ACP3: variants seen among roughly 807,000 people sequenced by gnomAD.
ACP3 encodes the protein prostatic acid phosphatase.
A neutral mutation model predicts 45.6 loss-of-function variants in ACP3; 38 were observed. That is an observed-to-expected ratio of 0.83 (90% confidence interval 0.64 to 1.09). The LOEUF is 1.09. ACP3 is among the 50% of genes least tolerant of loss of function. ACP3 has a pLI of 0.00. For missense variants in ACP3, 466 were observed against 463.2 expected (o/e 1.01, Z -0.05); for synonymous variants, 162 against 164.7 (o/e 0.98, Z 0.13).
At chr3:132,343,005 A>T (rs563513306) in intron 6 of ACP3, among the ~76,000 whole-genome samples, 4 of 152,332 alleles carry the variant, frequency 2.6e-5, no homozygotes, top group Admixed American at 2.6e-4. Flanking sequence ...ATGTTGTTAT[A>T]AAGAAAGAGG....
In ACP3 at chr3:132,358,574, C is replaced by A; in HGVS notation, c.*1696C>A. The A allele has an allele frequency of 1.8e-6, 2 of 1,133,988 alleles. No individual in the cohort carries two copies. The highest frequency in any genetic ancestry group is 3.3e-5 in the Admixed American group (1 of 30,642). The allele number at this position is 1,133,988 out of a possible 1,614,324, so 70.2% of individuals were successfully genotyped here. On this transcript the variant is annotated 3_prime_UTR_variant, in exon 10 of 10. Coordinates refer to ENST00000336375, the MANE Select transcript of ACP3 (RefSeq NM_001099.5). ...TTCTACTGGCTGCCAGAATCTAGAG[C>A]AAAGCCATCCCCGCTCCTGGTTGGT...
intron 1 of ACP3, among the ~76,000 whole-genome samples, chr3:132,322,750 C>T (rs1021426211): frequency 1.6e-4 from 25 of 152,208 alleles, no homozygotes; most frequent in Admixed American, 3.3e-4. Context: ...TTTGTCCCCT[C>T]CAAAACTCAT....
chr3:132,367,922 C>A, exon 11 of ACP3: 2 of 881,020 alleles, frequency 2.3e-6, no homozygotes, highest in Non-Finnish European at 3.7e-6. Flanking sequence ...CATTGCCATC[C>A]TCACACCCTG....
intron 6 of ACP3, among the ~76,000 whole-genome samples, chr3:132,344,027 T>C (rs1054113408): frequency 4.6e-5 from 7 of 152,122 alleles, no homozygotes; most frequent in Non-Finnish European, 8.8e-5. Flanking sequence ...ATGCCTATAA[T>C]CCCAGCACTT....
intron 1 of ACP3, among the ~76,000 whole-genome samples, chr3:132,320,658 T>TG (rs1937190866): frequency 6.6e-6 from 1 of 151,524 alleles, no homozygotes; most frequent in South Asian, 2.1e-4. Flanking sequence ...TTGGGTTTTT[T>TG]TTTTTTTTTT....
chr3:132,330,667 T>G, intron 2 of ACP3, among the ~76,000 whole-genome samples: 1 of 152,194 alleles, frequency 6.6e-6, no homozygotes, highest in Non-Finnish European at 1.5e-5. Flanking sequence ...GTGATTATAG[T>G]GGTGGTCAAG....
At chr3:132,340,353 T>A (rs911154567) in intron 5 of ACP3, among the ~76,000 whole-genome samples, 1 of 151,166 alleles carries the variant, frequency 6.6e-6, no homozygotes, top group Admixed American at 6.6e-5. Flanking sequence ...TATTTCACAA[T>A]ATCATAGATA....
At chr3:132,346,836 C>T (rs3792330) in intron 7 of ACP3, among the ~76,000 whole-genome samples, 6 of 152,196 alleles carry the variant, frequency 3.9e-5, no homozygotes, top group Admixed American at 2.6e-4. Flanking sequence ...TTTTCAGCAT[C>T]GGCATCAACT....
At chr3:132,367,847 A>C in exon 11 of ACP3, 1 of 1,518,486 alleles carries the variant, frequency 6.6e-7, no homozygotes, top group Non-Finnish European at 9.1e-7. Context: ...AAGCCAGGCC[A>C]ACCTCCTGTG....
chr3:132,347,631 C>T (rs972634717), intron 7 of ACP3, among the ~76,000 whole-genome samples: 1 of 151,848 alleles, frequency 6.6e-6, no homozygotes, highest in East Asian at 1.9e-4. Flanking sequence ...AGTCATGCAC[C>T]ACCATGCCCA....
chr3:132,347,361 C>T (rs1459576310), intron 7 of ACP3, among the ~76,000 whole-genome samples: 1 of 152,234 alleles, frequency 6.6e-6, no homozygotes, highest in Non-Finnish European at 1.5e-5. Context: ...CATTCCTGCA[C>T]AGAAAACACA....
intron 6 of ACP3, among the ~76,000 whole-genome samples, chr3:132,343,383 A>G (rs1161135502): frequency 6.6e-6 from 1 of 152,240 alleles, no homozygotes; most frequent in Non-Finnish European, 1.5e-5. Context: ...GTTTGCCTCC[A>G]TCCATCCTAA....
chr3:132,347,915 A>C (rs1306748016), intron 7 of ACP3, among the ~76,000 whole-genome samples: 2 of 151,870 alleles, frequency 1.3e-5, no homozygotes, highest in Non-Finnish European at 2.9e-5. Context: ...ATGGCTGGTC[A>C]TATCAGTGAA....
intron 2 of ACP3, among the ~76,000 whole-genome samples, chr3:132,331,338 A>G (rs1937394660): frequency 6.6e-6 from 1 of 152,224 alleles, no homozygotes; most frequent in Non-Finnish European, 1.5e-5. Context: ...GGATCCCACT[A>G]CATCAGAGAT....
rs139020820 is a variant in ACP3, at chr3:132,337,659, C to T, written c.555+105C>T. The stretch of plus-strand genomic sequence containing the variant: ...GCTTTGGCTTCTTAAAAAGATGGGA[C>T]GAATGCATCTGTCAGTGGCTGGTTA... On this transcript the variant is annotated intron_variant, in intron 5 of 9. Coordinates refer to ENST00000336375, the MANE Select transcript of ACP3 (RefSeq NM_001099.5). The T allele has an allele frequency of 9.3e-4, 623 of 671,166 alleles. 2 individuals carry two copies. In the African/African-American group the frequency reaches 9.7e-3, roughly 10 times the overall value. 41.6% of individuals were successfully genotyped at this position (671,166 alleles called of 1,614,324 possible).
chr3:132,320,659 T>G (rs1313558647), intron 1 of ACP3, among the ~76,000 whole-genome samples: 1 of 151,586 alleles, frequency 6.6e-6, no homozygotes, highest in African/African-American at 2.4e-5. Flanking sequence ...TGGGTTTTTT[T>G]TTTTTTTTTG....
chr3:132,367,802 G>C, exon 11 of ACP3: 1 of 1,612,520 alleles, frequency 6.2e-7, no homozygotes, highest in South Asian at 1.1e-5. Context: ...CTGGCAGAGA[G>C]AATCCTATGG....
At chr3:132,322,432 G>T (rs1366782518) in intron 1 of ACP3, among the ~76,000 whole-genome samples, 2 of 151,974 alleles carry the variant, frequency 1.3e-5, no homozygotes, top group East Asian at 1.9e-4. Flanking sequence ...TTTACCAATG[G>T]ATTTATTTCT....
At chr3:132,356,368 C>T (rs1400020281) in intron 9 of ACP3, among the ~76,000 whole-genome samples, 2 of 152,032 alleles carry the variant, frequency 1.3e-5, no homozygotes, top group Non-Finnish European at 2.9e-5. Context: ...ACCTGCCTCC[C>T]ACTTCTTATC....
Sources: gnomAD v4.1 joint callset for allele counts (sites outside exome capture counted in the v4.1 genomes callset) on GRCh38, gnomAD v4.1.1 for gene constraint, MANE v1.5 for transcripts, NCBI Gene and HGNC (gene_info 2026-07-23, HGNC 2026-07-21) for gene names.